TMEM132B: variants seen among roughly 807,000 people sequenced by gnomAD.
TMEM132B encodes transmembrane protein 132B.
Under a neutral mutation model 90.8 loss-of-function variants are expected in TMEM132B, and 18 were observed. The ratio of observed to expected loss-of-function variants is 0.20; its 90% CI spans 0.14 to 0.29. TMEM132B has a LOEUF of 0.29. Ranked by LOEUF, TMEM132B falls within the 10% of genes least tolerant of loss-of-function variation. The pLI is 1.00. For synonymous variants in TMEM132B, 504 were observed against 523.3 expected, an observed-to-expected ratio of 0.96 and a Z score of 0.50; for missense variants, 1,096 against 1,326.8, an observed-to-expected ratio of 0.83 and a Z score of 2.70.
intron 5 of TMEM132B, among the ~76,000 whole-genome samples, chr12:125,631,199 G>A (rs1261557153): frequency 1.3e-5 from 2 of 151,798 alleles, no homozygotes; most frequent in Admixed American, 6.6e-5. Context: ...ATTAACATTA[G>A]TTTTAAGAAA....
chr12:125,560,613 G>A (rs1429414390), intron 4 of TMEM132B, among the ~76,000 whole-genome samples: 1 of 151,758 alleles, frequency 6.6e-6, no homozygotes, highest in African/African-American at 2.4e-5. Context: ...ATGAGGTCAG[G>A]AGATCGAGAC....
chr12:125,654,319 G>A lies in TMEM132B; in HGVS notation c.2861G>A (p.Gly954Glu). The change falls in exon 9 of 9, where the codon GGG (glycine) becomes GAG (glutamate). Residue 954 changes from glycine (G) to glutamate (E), a missense_variant. Transcript: ENST00000682704. The surrounding 1 kb of genome is among the most constrained non-coding windows in gnomAD (Gnocchi z 5.8). ...CATTCCCACGACTGGGTCTGGCTTG[G>A]GAATGAAGTGGAACTTTTGGAGAAC... Reference protein sequence around the residue: ...IPHSHDWVWLGNEVELLENPV... With the variant: ...IPHSHDWVWLENEVELLENPV... 1 of 1,613,016 alleles carries A rather than the reference G, an allele frequency of 6.2e-7. No individual in the cohort carries two copies. Among genetic ancestry groups the A allele is most frequent in the South Asian group, 1.1e-5 (1 of 91,012 alleles).
chr12:125,480,335 A>T (rs1263199351), intron 3 of TMEM132B, among the ~76,000 whole-genome samples: 1 of 152,152 alleles, frequency 6.6e-6, no homozygotes, highest in Non-Finnish European at 1.5e-5. Flanking sequence ...TTTTTTGAAA[A>T]GATCAACAAA....
At chr12:125,593,572 G>A (rs1057303163) in intron 5 of TMEM132B, among the ~76,000 whole-genome samples, 1 of 152,068 alleles carries the variant, frequency 6.6e-6, no homozygotes, top group African/African-American at 2.4e-5. Context: ...AAAGTGTCTG[G>A]GATATCAGGC....
chr12:125,640,955 C>CAT (rs1419450013), intron 5 of TMEM132B, among the ~76,000 whole-genome samples: 1 of 150,802 alleles, frequency 6.6e-6, no homozygotes, highest in Admixed American at 6.6e-5. Context: ...CACACACACA[C>CAT]ATTTCTAATA....
At chr12:125,303,696 A>C (rs1196357541) in intron 1 of TMEM132B, among the ~76,000 whole-genome samples, 1 of 152,188 alleles carries the variant, frequency 6.6e-6, no homozygotes. Context: ...GTGAAGTGGT[A>C]TCTCATTGTG....
Position 125,243,046 on chromosome 12 carries a change from C to T in TMEM132B, c.67+56180C>T, listed in dbSNP as rs1444689507. Among the ~76,000 whole-genome samples the T allele has an allele frequency of 4.5e-4, 63 of 139,998 alleles. 2 individuals are homozygous for T. The South Asian group carries it at 7.8e-3, about 17-fold the overall frequency. 91.8% of individuals were successfully genotyped at this position (139,998 alleles called of 152,430 possible). ...ATATATATATATACACACACACACA[C>T]ACACACATACATATATACACACACA... is the stretch of plus-strand genomic sequence containing the variant. On this transcript the variant is annotated intron_variant, in intron 1 of 8. Coordinates refer to ENST00000682704, the MANE Select transcript of TMEM132B (RefSeq NM_001366854.1).
At position 125,202,252 on chromosome 12, in the gene TMEM132B, C is replaced by G. The variant is rs80231512; in HGVS notation, c.67+15386C>G. ...GATGCCAATCTGTTAGGATGTGAGC[C>G]TAGAGGTAAGTCATTACTGCTGTGA... On this transcript the variant is annotated intron_variant, in intron 1 of 8. Coordinates refer to ENST00000682704, the MANE Select transcript of TMEM132B (RefSeq NM_001366854.1). 5.1e-3 allele frequency among the ~76,000 whole-genome samples: 773 copies of G among 152,346 alleles called. 9 individuals are homozygous for G. Among genetic ancestry groups the G allele is most frequent in the African/African-American group, 0.017 (727 of 41,568 alleles).
intron 5 of TMEM132B, among the ~76,000 whole-genome samples, chr12:125,640,770 G>A (rs561343259): frequency 1.3e-5 from 2 of 152,250 alleles, no homozygotes; most frequent in Non-Finnish European, 2.9e-5. Context: ...CACCCACCTC[G>A]TGGCATTACC....
intron 4 of TMEM132B, among the ~76,000 whole-genome samples, chr12:125,573,338 T>TCTA (rs1369700591): frequency 6.6e-6 from 1 of 152,198 alleles, no homozygotes; most frequent in African/African-American, 2.4e-5. Flanking sequence ...CAGAGTTCAC[T>TCTA]CTAACTCCTT....
intron 4 of TMEM132B, among the ~76,000 whole-genome samples, chr12:125,552,269 A>G (rs1164409796): frequency 2.0e-5 from 3 of 152,230 alleles, no homozygotes; most frequent in Non-Finnish European, 2.9e-5. Flanking sequence ...TGCAAATGAG[A>G]AAGAGAACCA....
chr12:125,232,902 A>G (rs1466049478), intron 1 of TMEM132B, among the ~76,000 whole-genome samples: 1 of 152,228 alleles, frequency 6.6e-6, no homozygotes, highest in African/African-American at 2.4e-5. Flanking sequence ...TAGCCTGGAG[A>G]AGTTGGGAAA....
chr12:125,518,461 T>C (rs1358716516), intron 3 of TMEM132B, among the ~76,000 whole-genome samples: 2 of 152,152 alleles, frequency 1.3e-5, no homozygotes, highest in African/African-American at 2.4e-5. Flanking sequence ...GGCTCAGGCC[T>C]TGGGGGAGCT....
chr12:125,466,561 A>ACCT (rs1311616022), intron 3 of TMEM132B, among the ~76,000 whole-genome samples: 2 of 152,216 alleles, frequency 1.3e-5, no homozygotes, highest in African/African-American at 4.8e-5. Context: ...GACTGTAGAT[A>ACCT]CCTCCATGGC....
chr12:125,411,521 AAAAC>A (rs376787355), intron 2 of TMEM132B, among the ~76,000 whole-genome samples: 18 of 152,202 alleles, frequency 1.2e-4, no homozygotes, highest in Middle Eastern at 3.4e-3. Context: ...AATAATAATA[AAAAC>A]AAACAAACAA....
chr12:125,515,086 C>T (rs1482604437), intron 3 of TMEM132B, among the ~76,000 whole-genome samples: 1 of 152,178 alleles, frequency 6.6e-6, no homozygotes, highest in Admixed American at 6.5e-5. Flanking sequence ...GAGAAACAGC[C>T]AAGCAGTGTC....
chr12:125,337,932 G>A (rs746900944), intron 1 of TMEM132B, among the ~76,000 whole-genome samples: 1 of 152,146 alleles, frequency 6.6e-6, no homozygotes. Context: ...TAGTTCTTCT[G>A]GTGATGACTT....
chr12:125,580,369 T>C (rs1885027891), intron 4 of TMEM132B, among the ~76,000 whole-genome samples: 1 of 152,022 alleles, frequency 6.6e-6, no homozygotes, highest in Non-Finnish European at 1.5e-5. Context: ...GAGCTTTCCA[T>C]ACTGGGTGAA....
At chr12:125,574,547 C>G (rs1884887698) in intron 4 of TMEM132B, among the ~76,000 whole-genome samples, 2 of 152,022 alleles carry the variant, frequency 1.3e-5, no homozygotes. Flanking sequence ...TAGAAGCTAA[C>G]AGAACTATTG....
Sources: gnomAD v4.1 joint callset for allele counts (sites outside exome capture counted in the v4.1 genomes callset) on GRCh38, gnomAD v4.1.1 for gene constraint, Gnocchi (gnomAD v3.1) non-coding constraint, MANE v1.5 for transcripts, NCBI Gene and HGNC (gene_info 2026-07-23, HGNC 2026-07-21) for gene names.